The following PPP5C variants were observed in gnomAD, a reference collection of about 807,000 sequenced individuals.
The protein encoded by PPP5C is protein phosphatase 5 catalytic subunit.
In PPP5C, 21 loss-of-function variants were observed where a neutral mutation model predicts 66.7. The ratio of observed to expected loss-of-function variants is 0.31; its 90% confidence interval spans 0.22 to 0.45. The LOEUF is 0.45. Ranked by LOEUF, PPP5C falls within the 20% of genes least tolerant of loss-of-function variation. The probability of loss-of-function intolerance (pLI) is 1.00; values close to 1 mark genes in which losing one functional copy is unlikely to be tolerated. For synonymous variants in PPP5C, 246 were observed against 257.4 expected (o/e 0.96, Z 0.43); for missense variants, 464 against 675.9 (o/e 0.69, Z 3.48).
intron 2 of PPP5C, among the ~76,000 whole-genome samples, chr19:46,364,392 G>A (rs1972456741): frequency 6.6e-6 from 1 of 152,128 alleles, no homozygotes; most frequent in South Asian, 2.1e-4. Flanking sequence ...GAGGCAGGAA[G>A]ATCACTTGAG....
rs770440583 is a variant in PPP5C, at chr19:46,388,496, C to T, written c.1176+48C>T. 54 of 1,609,130 alleles carry T rather than the reference C, an allele frequency of 3.4e-5. No homozygotes were observed. Among genetic ancestry groups the T allele is most frequent in the Non-Finnish European group, 4.3e-5 (51 of 1,176,582 alleles). On this transcript the variant is annotated intron_variant, in intron 10 of 12. Transcript: ENST00000012443. This position sits in a 1 kb window ranked among gnomAD's most constrained non-coding sequence, Gnocchi z 4.9. ...GGCCGGCGGGTGTGGGCTGTGGCAG[C>T]AGGTGGAGGCAGACAGTCACCCTGA...
Position 46,387,224 on chromosome 19 carries a change from G to C in PPP5C, c.1036G>C (p.Gly346Arg). ...EWLPLAQCIN[G>R]KVLIMHGGLF... ...GCTCCCGTTGGCCCAGTGCATCAAC[G>C]GCAAAGTGCTGGTGAGGACGGCGCG... The change falls in exon 8 of 13, where the codon GGC becomes CGC. Residue 346 changes from glycine to arginine, a missense_variant. By Grantham distance (125) the Gly-to-Arg change is moderately radical. Transcript: ENST00000012443. The C allele has an allele frequency of 2.5e-6, 4 of 1,614,216 alleles. No individual in the cohort carries two copies. The highest frequency in any genetic ancestry group is 3.4e-6 in the Non-Finnish European group (4 of 1,180,032).
At chr19:46,365,160 T>C (rs1972469195) in intron 2 of PPP5C, among the ~76,000 whole-genome samples, 1 of 151,834 alleles carries the variant, frequency 6.6e-6, no homozygotes, top group South Asian at 2.1e-4. Flanking sequence ...TTTTTGTGTT[T>C]TTAGTGGAAA....
At chr19:46,366,611 A>C (rs535129819) in intron 2 of PPP5C, among the ~76,000 whole-genome samples, 8 of 152,208 alleles carry the variant, frequency 5.3e-5, no homozygotes, top group African/African-American at 1.9e-4. Flanking sequence ...CCAGGATTAC[A>C]GGTGTGAGGC....
intron 8 of PPP5C, 51 bp from the exon 9 acceptor site, chr19:46,387,315 C>A: frequency 6.2e-7 from 1 of 1,609,724 alleles, no homozygotes; most frequent in Non-Finnish European, 8.5e-7. Flanking sequence ...GAAGTTGGGG[C>A]CTGTGGGTGG....
chr19:46,384,991 T>A, intron 7 of PPP5C, 82 bp downstream of exon 7: 1 of 1,122,730 alleles, frequency 8.9e-7, no homozygotes, highest in Non-Finnish European at 1.3e-6. Context: ...TAGTTGCAGC[T>A]GTATTTATTT....
chr19:46,385,350 A>G (rs1341746672), intron 7 of PPP5C, among the ~76,000 whole-genome samples: 1 of 152,168 alleles, frequency 6.6e-6, no homozygotes, highest in African/African-American at 2.4e-5. Context: ...TCTTGATTGA[A>G]GTAGAGCCCG....
chr19:46,358,729 T>C (rs151003399), intron 2 of PPP5C, among the ~76,000 whole-genome samples: 1 of 151,368 alleles, frequency 6.6e-6, no homozygotes, highest in East Asian at 2.0e-4. Context: ...CGGGGAGGAG[T>C]GATTACAAAG....
chr19:46,364,226 G>A (rs1161360124), intron 2 of PPP5C, among the ~76,000 whole-genome samples: 2 of 152,180 alleles, frequency 1.3e-5, no homozygotes, highest in East Asian at 1.9e-4. Flanking sequence ...GTGTATGTGT[G>A]TGCATACATA....
At chr19:46,374,928 G>A (rs913625532) in intron 2 of PPP5C, among the ~76,000 whole-genome samples, 4 of 152,176 alleles carry the variant, frequency 2.6e-5, no homozygotes, top group East Asian at 1.9e-4. Flanking sequence ...CGGTCTCAGG[G>A]ATCTGTGACC....
Position 46,384,784 on chromosome 19 carries a change from T to G in PPP5C, c.799-20T>G. 1.3e-6 allele frequency: 2 copies of G among 1,564,366 alleles called. No individual in the cohort carries two copies. The highest frequency in any genetic ancestry group is 1.8e-6 in the Non-Finnish European group (2 of 1,136,172). ...GCACCCTTCCCCTCCACGCTTGCCA[T>G]GTTTTCCTCAGCAGGACAGATATTT... On this transcript the variant is annotated intron_variant, in intron 6 of 12. Coordinates refer to ENST00000012443, the MANE Select transcript of PPP5C (RefSeq NM_006247.4).
rs150738155 is a variant in PPP5C at position 46,389,985 on chromosome 19, C to T, written c.1356-66C>T. The T allele has an allele frequency of 3.0e-3, 4,474 of 1,476,760 alleles. 18 individuals carry two copies. The highest frequency in any genetic ancestry group is 0.016 in the Middle Eastern group (91 of 5,810). The allele number at this position is 1,476,760 out of a possible 1,614,324, so 91.5% of individuals were successfully genotyped here. A position where few individuals can be genotyped will look rare whatever the true frequency, so the allele number is the denominator to read the frequency against. ...TCTGTCCCTTCTTGCCCAGCCATTC[C>T]TTCTCTTAACCCACCAGCCCCACCC... On this transcript the variant is annotated intron_variant, in intron 11 of 12. Transcript: ENST00000012443.
chr19:46,389,557 C>G (rs1972972930), intron 11 of PPP5C, among the ~76,000 whole-genome samples: 2 of 151,968 alleles, frequency 1.3e-5, no homozygotes, highest in African/African-American at 4.8e-5. Flanking sequence ...CAGACAGGAC[C>G]TAAACAAGGA....
chr19:46,385,712 A>G (rs1972871393), intron 7 of PPP5C, among the ~76,000 whole-genome samples: 1 of 151,816 alleles, frequency 6.6e-6, no homozygotes, highest in South Asian at 2.1e-4. Flanking sequence ...CCCAGGAGGC[A>G]CATGTTGCAA....
Position 46,390,689 on chromosome 19 carries a change from GCCCCGCCATAGGAAGA to G in PPP5C, c.*348_*363del, listed in dbSNP as rs1973005632. The G allele has an allele frequency of 8.3e-7, 1 of 1,210,586 alleles. No individual in the cohort carries two copies. 75.0% of individuals were successfully genotyped at this position (1,210,586 alleles called of 1,614,324 possible). A position where few individuals can be genotyped will look rare whatever the true frequency, so the allele number is the denominator to read the frequency against. On this transcript the variant is annotated 3_prime_UTR_variant, in exon 13 of 13. Transcript: ENST00000012443. ...GCTCCTCCCCCACTCAAGCAATAGG[GCCCCGCCATAGGAAGA>G]CCCCCAGAGAGAGGGTCAGCAGGGG...
intron 2 of PPP5C, among the ~76,000 whole-genome samples, chr19:46,374,720 C>T (rs1056143424): frequency 1.3e-5 from 2 of 152,172 alleles, no homozygotes; most frequent in African/African-American, 4.8e-5. Flanking sequence ...GCAGTGGGCG[C>T]CCACGTGGAG....
In PPP5C at chr19:46,353,944, C is replaced by A. The variant is rs1342490108; in HGVS notation, c.318C>A (p.Asn106Lys). 2.7e-5 allele frequency: 43 copies of A among 1,609,214 alleles called. No individual in the cohort carries two copies. Among genetic ancestry groups the A allele is most frequent in the Non-Finnish European group, 3.5e-5 (41 of 1,178,412 alleles). ...IKGYYRRAASNMALGKFRAAL... is the reference protein window; with the variant it reads ...IKGYYRRAASKMALGKFRAAL... ...GTTATTACCGCCGGGCTGCCAGCAA[C>A]ATGGCACTGGGCAAGTTCCGGGCCG... Residue 106 changes from asparagine to lysine, a missense_variant, in exon 2 of 13, where the codon AAC (asparagine) becomes AAA (lysine). This residue lies in a region of PPP5C where 387 missense variants were observed against 626.0 expected (regional missense o/e 0.62). Transcript: ENST00000012443.
At chr19:46,372,846 C>G (rs148305246) in intron 2 of PPP5C, among the ~76,000 whole-genome samples, 4 of 152,366 alleles carry the variant, frequency 2.6e-5, no homozygotes, top group African/African-American at 9.6e-5. Context: ...GAAGTTCTGA[C>G]CCGGTGGGCC....
Position 46,390,813 on chromosome 19 carries a change from G to A in PPP5C, c.*467G>A, listed in dbSNP as rs938670886. The A allele has an allele frequency of 5.3e-6, 6 of 1,125,978 alleles. No individual in the cohort carries two copies. In the Admixed American group the frequency reaches 1.2e-4, roughly 23 times the overall value. 69.7% of individuals were successfully genotyped at this position (1,125,978 alleles called of 1,614,324 possible). A position where few individuals can be genotyped will look rare whatever the true frequency, so the allele number is the denominator to read the frequency against. On this transcript the variant is annotated 3_prime_UTR_variant, in exon 13 of 13. Coordinates refer to ENST00000012443, the MANE Select transcript of PPP5C (RefSeq NM_006247.4). The stretch of plus-strand genomic sequence containing the variant: ...CCCCCTCCCCAGCTATTTTATGTCT[G>A]TAATTAAATATGTTAAAATAAAGTC...
Sources: gnomAD v4.1 joint callset for allele counts (sites outside exome capture counted in the v4.1 genomes callset) on GRCh38, gnomAD v4.1.1 for gene constraint, gnomAD v4.1.1 regional missense constraint, Gnocchi (gnomAD v3.1) non-coding constraint, MANE v1.5 for transcripts, NCBI Gene and HGNC (gene_info 2026-07-23, HGNC 2026-07-21) for gene names.